Variants in FSHR observed in about 807,000 individuals in gnomAD.
FSHR encodes follicle-stimulating hormone receptor.
FSHR carries 46 observed loss-of-function variants against 52.1 expected under a neutral mutation model. That is an observed-to-expected ratio of 0.88 (90% CI 0.70 to 1.13). FSHR has a LOEUF of 1.13. Among genes scored for constraint, FSHR ranks in the 50% most tolerant of loss-of-function variants. The pLI, the probability that FSHR is intolerant of heterozygous loss-of-function variation, is 0.00. For missense variants in FSHR, 964 were observed against 834.6 expected (o/e 1.16, Z -1.91); for synonymous variants, 399 against 309.6 (o/e 1.29, Z -3.03).
chr2:49,099,877 CTGT>C (rs1347751272), intron 1 of FSHR, among the ~76,000 whole-genome samples: 2 of 152,080 alleles, frequency 1.3e-5, no homozygotes, highest in Non-Finnish European at 2.9e-5. Flanking sequence ...GAATACATTT[CTGT>C]TGTTTTAATC....
chr2:48,991,634 A>T (rs1302484321), intron 4 of FSHR, among the ~76,000 whole-genome samples: 1 of 152,360 alleles, frequency 6.6e-6, no homozygotes, highest in Non-Finnish European at 1.5e-5. Flanking sequence ...AGGCTAGGCC[A>T]GGTGTTGTCC....
At chr2:49,012,806 T>C (rs1274377743) in intron 4 of FSHR, among the ~76,000 whole-genome samples, 2 of 152,138 alleles carry the variant, frequency 1.3e-5, no homozygotes, top group Admixed American at 1.3e-4. Context: ...CATCTACCTC[T>C]ACCTGGCTGC....
chr2:48,970,959 TC>T (rs1674715606), intron 8 of FSHR, among the ~76,000 whole-genome samples: 1 of 152,190 alleles, frequency 6.6e-6, no homozygotes, highest in Admixed American at 6.5e-5. Context: ...TTGGTCTAAG[TC>T]ACCACAATCT....
intron 2 of FSHR, among the ~76,000 whole-genome samples, chr2:49,039,619 T>C (rs1668410074): frequency 6.6e-6 from 1 of 152,242 alleles, no homozygotes. Flanking sequence ...CTTCTACTTT[T>C]TTCCAAACTG....
chr2:49,122,097 T>C (rs1671836700), intron 1 of FSHR, among the ~76,000 whole-genome samples: 1 of 152,210 alleles, frequency 6.6e-6, no homozygotes, highest in African/African-American at 2.4e-5. Context: ...TTTTGGTGCT[T>C]TCCAAATCCT....
At chr2:49,126,305 G>A (rs1347332509) in intron 1 of FSHR, among the ~76,000 whole-genome samples, 5 of 122,772 alleles carry the variant, frequency 4.1e-5, no homozygotes, top group South Asian at 3.5e-4. Context: ...GCACATGCGC[G>A]TGCACACACA....
At chr2:49,023,576 C>A (rs980517475) in intron 2 of FSHR, among the ~76,000 whole-genome samples, 1 of 152,088 alleles carries the variant, frequency 6.6e-6, no homozygotes, top group Non-Finnish European at 1.5e-5. Flanking sequence ...AAGTGACACA[C>A]AAAAATATTT....
intron 1 of FSHR, among the ~76,000 whole-genome samples, chr2:49,149,604 G>A (rs1386078059): frequency 6.6e-6 from 1 of 151,934 alleles, no homozygotes; most frequent in South Asian, 2.1e-4. Context: ...ATCACAGAAC[G>A]CCTTGGTATA....
At chr2:49,034,989 C>T (rs563416936) in intron 2 of FSHR, among the ~76,000 whole-genome samples, 1 of 152,304 alleles carries the variant, frequency 6.6e-6, no homozygotes, top group South Asian at 2.1e-4. Context: ...GGCAACAAGC[C>T]CTCCCAGTGC....
At chr2:48,986,789 T>C (rs1675535445) in intron 6 of FSHR, among the ~76,000 whole-genome samples, 1 of 152,196 alleles carries the variant, frequency 6.6e-6, no homozygotes, top group South Asian at 2.1e-4. Context: ...TGCCTCTAGT[T>C]GGGGAGAGTT....
chr2:49,103,332 A>G lies in FSHR; in HGVS notation c.153-35042T>C, dbSNP rs187543707. On this transcript the variant is annotated intron_variant, in intron 1 of 9. Coordinates refer to ENST00000406846, the MANE Select transcript of FSHR (RefSeq NM_000145.4). Reference sequence around the variant, plus strand: ...AAATTAAAGGATTGTAAATAAACTCAGGCTCACATCAAAAAGTGGCACTGG... The same window carrying G: ...AAATTAAAGGATTGTAAATAAACTCGGGCTCACATCAAAAAGTGGCACTGG... Among the ~76,000 whole-genome samples, 50 of 152,280 alleles carry G rather than the reference A, an allele frequency of 3.3e-4. 1 individual carries two copies. The highest frequency in any genetic ancestry group is 1.2e-3 in the African/African-American group (50 of 41,564).
intron 1 of FSHR, among the ~76,000 whole-genome samples, chr2:49,091,064 G>T (rs1301103194): frequency 1.3e-5 from 2 of 149,648 alleles, no homozygotes; most frequent in African/African-American, 4.9e-5. Context: ...TCTGTAGTTT[G>T]TCCTTCATTC....
chr2:49,008,007 CT>C (rs1184055473), intron 4 of FSHR, among the ~76,000 whole-genome samples: 2 of 151,194 alleles, frequency 1.3e-5, no homozygotes, highest in Non-Finnish European at 3.0e-5. Context: ...TTTGAATTTT[CT>C]TTTTTTTAAA....
intron 9 of FSHR, among the ~76,000 whole-genome samples, chr2:48,967,176 G>A (rs1674513678): frequency 6.6e-6 from 1 of 152,164 alleles, no homozygotes; most frequent in South Asian, 2.1e-4. Flanking sequence ...GCTCACTGCA[G>A]CCTCGACCTC....
At chr2:48,996,236 C>T (rs951842750) in intron 4 of FSHR, among the ~76,000 whole-genome samples, 1 of 152,074 alleles carries the variant, frequency 6.6e-6, no homozygotes, top group African/African-American at 2.4e-5. Flanking sequence ...ACTCCTTCCT[C>T]CTGACCATTC....
intron 8 of FSHR, among the ~76,000 whole-genome samples, chr2:48,975,082 T>C (rs1022625105): frequency 6.6e-6 from 1 of 152,166 alleles, no homozygotes; most frequent in Non-Finnish European, 1.5e-5. Flanking sequence ...GGTGTCAACT[T>C]GAGGGGATTA....
chr2:49,036,373 C>T (rs116706378), intron 2 of FSHR, among the ~76,000 whole-genome samples: 1,786 of 151,866 alleles, frequency 0.012, 18 homozygotes, highest in Non-Finnish European at 0.017. Context: ...TTTATTTACT[C>T]TCCACTTAAA....
chr2:48,979,732 T>G (rs1485269308), intron 8 of FSHR, among the ~76,000 whole-genome samples: 1 of 151,962 alleles, frequency 6.6e-6, no homozygotes, highest in Non-Finnish European at 1.5e-5. Context: ...TGATTCTGCT[T>G]CCATCAAGGG....
chr2:49,090,717 T>C (rs191422756), intron 1 of FSHR, among the ~76,000 whole-genome samples: 4 of 152,216 alleles, frequency 2.6e-5, no homozygotes, highest in African/African-American at 9.6e-5. Flanking sequence ...CTGTACCACA[T>C]TGGGTTCTCA....
Sources: gnomAD v4.1 joint callset for allele counts (sites outside exome capture counted in the v4.1 genomes callset) on GRCh38, gnomAD v4.1.1 for gene constraint, MANE v1.5 for transcripts, NCBI Gene and HGNC (gene_info 2026-07-23, HGNC 2026-07-21) for gene names.